The following KIFC3 variants were observed in gnomAD, a reference collection of about 807,000 sequenced individuals.
The protein encoded by KIFC3 is kinesin-like protein KIFC3.
In KIFC3, 60 loss-of-function variants were observed where a neutral mutation model predicts 101.8. That is an observed-to-expected ratio of 0.59 (90% CI 0.48 to 0.73). KIFC3 has a LOEUF of 0.73. Among genes scored for constraint, KIFC3 ranks in the 30% least tolerant of loss-of-function variants. KIFC3 has a pLI of 0.00. For synonymous variants in KIFC3, 476 were observed against 482.7 expected (o/e 0.99, Z 0.18); for missense variants, 966 against 1,137.1 (o/e 0.85, Z 2.16).
At chr16:57,831,269 G>T (rs2055575355) in intron 1 of KIFC3, among the ~76,000 whole-genome samples, 1 of 152,168 alleles carries the variant, frequency 6.6e-6, no homozygotes, top group South Asian at 2.1e-4. Context: ...CCCCACGGGG[G>T]GTTCTCACAG....
At chr16:57,840,113 G>T (rs60238598) in intron 1 of KIFC3, among the ~76,000 whole-genome samples, 1 of 151,456 alleles carries the variant, frequency 6.6e-6, no homozygotes, top group African/African-American at 2.4e-5. Flanking sequence ...CAAGGTAGGC[G>T]GATCACCTGA....
At chr16:57,818,003 T>A (rs2055267771) in intron 1 of KIFC3, among the ~76,000 whole-genome samples, 1 of 151,218 alleles carries the variant, frequency 6.6e-6, no homozygotes, top group African/African-American at 2.5e-5. Context: ...ATTGTCACAT[T>A]TTCTTTCTTT....
chr16:57,808,758 C>A (rs183110586), intron 1 of KIFC3, among the ~76,000 whole-genome samples: 15 of 152,286 alleles, frequency 9.8e-5, no homozygotes, highest in Admixed American at 3.3e-4. Flanking sequence ...CCAGGCAGAC[C>A]TGGGTTTGAG....
In KIFC3 at chr16:57,855,998, CA is replaced by C. The variant is rs544814207; in HGVS notation, c.108+6730del. Among the ~76,000 whole-genome samples, 330 of 146,302 alleles carry C rather than the reference CA, an allele frequency of 2.3e-3. 1 individual carries two copies. Among genetic ancestry groups the C allele is most frequent in the Non-Finnish European group, 3.6e-3 (242 of 66,348 alleles). ...ACAAACTAACAATAACAACAAAAAA[CA>C]AAACATTAAGAGCAGAAATTAATAA... is the stretch of plus-strand genomic sequence containing the variant. On this transcript the variant is annotated intron_variant, in intron 1 of 2. Coordinates refer to the KIFC3 transcript ENST00000563028.
At chr16:57,786,606 A>G (rs2053351918) in intron 3 of KIFC3, among the ~76,000 whole-genome samples, 1 of 152,104 alleles carries the variant, frequency 6.6e-6, no homozygotes, top group Non-Finnish European at 1.5e-5. Context: ...GGCAGAGTGA[A>G]GGGTGAAGAG....
At chr16:57,819,951 C>T (rs1030500754) in intron 1 of KIFC3, among the ~76,000 whole-genome samples, 7 of 152,196 alleles carry the variant, frequency 4.6e-5, no homozygotes, top group Non-Finnish European at 7.3e-5. Context: ...TCACTCCAAC[C>T]TCCGCCTCCT....
At chr16:57,780,613 A>G (rs1269630454) in intron 3 of KIFC3, among the ~76,000 whole-genome samples, 1 of 149,856 alleles carries the variant, frequency 6.7e-6, no homozygotes, top group Non-Finnish European at 1.5e-5. Flanking sequence ...GCAGCCAAAC[A>G]AGACACATTT....
At chr16:57,775,211 G>A in intron 3 of KIFC3, 3 of 1,333,204 alleles carry the variant, frequency 2.3e-6, no homozygotes, top group Non-Finnish European at 1.9e-6. Flanking sequence ...AACCAGGGCA[G>A]GCTGGGGAGC....
In KIFC3 at chr16:57,770,732, C is replaced by G. The variant is rs781871274; in HGVS notation, c.766-32G>C. 13 of 1,400,770 alleles carry G rather than the reference C, an allele frequency of 9.3e-6. No individual in the cohort carries two copies. The Admixed American group carries it at 3.5e-4, about 37-fold the overall frequency. The allele number at this position is 1,400,770 out of a possible 1,614,324, so 86.8% of individuals were successfully genotyped here. On this transcript the variant is annotated intron_variant, in intron 6 of 19. Transcript: ENST00000445690. The stretch of plus-strand genomic sequence containing the variant: ...GGTGAGGGAGGAATGGCACGTGGAG[C>G]CAGCGGGCACCGTACCTCACCCAAG...
intron 1 of KIFC3, among the ~76,000 whole-genome samples, chr16:57,837,935 G>C (rs537249785): frequency 7.9e-4 from 121 of 152,298 alleles, no homozygotes; most frequent in African/African-American, 2.8e-3. Flanking sequence ...GGCCTTGGCA[G>C]AGCGCAGCCC....
intron 1 of KIFC3, among the ~76,000 whole-genome samples, chr16:57,824,941 G>A (rs1436258918): frequency 6.6e-6 from 1 of 152,118 alleles, no homozygotes; most frequent in Non-Finnish European, 1.5e-5. Context: ...AGCACCATTG[G>A]CACCTCTCAA....
At chr16:57,790,029 G>A (rs1388726425) in intron 3 of KIFC3, among the ~76,000 whole-genome samples, 3 of 148,088 alleles carry the variant, frequency 2.0e-5, no homozygotes, top group Admixed American at 6.7e-5. Flanking sequence ...GAGCCACTGC[G>A]CCTGGCCATT....
intron 1 of KIFC3, among the ~76,000 whole-genome samples, chr16:57,856,623 GA>G (rs1331308108): frequency 2.0e-5 from 3 of 152,050 alleles, no homozygotes; most frequent in African/African-American, 2.4e-5. Context: ...CTGGTTCTTT[GA>G]AACAATCAAT....
chr16:57,814,990 A>G (rs2055187713), intron 1 of KIFC3, among the ~76,000 whole-genome samples: 1 of 152,174 alleles, frequency 6.6e-6, no homozygotes, highest in Non-Finnish European at 1.5e-5. Flanking sequence ...AGCAAAATTC[A>G]AATATGGCTG....
chr16:57,802,484 G>T lies in KIFC3; in HGVS notation c.-154C>A. On this transcript the variant is annotated 5_prime_UTR_variant, in exon 1 of 20. Coordinates refer to ENST00000445690, the MANE Select transcript of KIFC3 (RefSeq NM_001130100.2). This position sits in a 1 kb window ranked among gnomAD's most constrained non-coding sequence, Gnocchi z 5.0. ...CGCCTCCTCCTCGGCCAGCCCGCTCGCGCCCCTCCCGCACACTTTCCACAG... is the reference window on the plus strand; with the variant it reads ...CGCCTCCTCCTCGGCCAGCCCGCTCTCGCCCCTCCCGCACACTTTCCACAG... The T allele has an allele frequency of 1.4e-5, 14 of 983,300 alleles. No homozygotes were observed. Among genetic ancestry groups the T allele is most frequent in the Non-Finnish European group, 1.7e-5 (14 of 829,140 alleles). The allele number at this position is 983,300 out of a possible 1,614,324, so 60.9% of individuals were successfully genotyped here. A position where few individuals can be genotyped will look rare whatever the true frequency, so the allele number is the denominator to read the frequency against.
intron 1 of KIFC3, among the ~76,000 whole-genome samples, chr16:57,855,014 GT>G (rs1434717304): frequency 6.6e-6 from 1 of 151,652 alleles, no homozygotes; most frequent in Non-Finnish European, 1.5e-5. Context: ...GAGGCTTGGA[GT>G]TTGAGATGAG....
chr16:57,794,636 CCAAGGAAATA>C (rs1216664248), intron 3 of KIFC3, among the ~76,000 whole-genome samples: 11 of 152,084 alleles, frequency 7.2e-5, no homozygotes, highest in Admixed American at 2.6e-4. Context: ...GGAAATATTC[CCAAGGAAATA>C]CAAGGAAATA....
chr16:57,793,776 G>C (rs538073034), intron 3 of KIFC3, among the ~76,000 whole-genome samples: 2 of 151,728 alleles, frequency 1.3e-5, no homozygotes, highest in South Asian at 4.2e-4. Context: ...TTACAGCCAA[G>C]ATCACGCCAC....
intron 14 of KIFC3, 31 bp from the exon 15 acceptor site, chr16:57,761,202 G>A: frequency 1.2e-6 from 2 of 1,611,314 alleles, no homozygotes; most frequent in African/African-American, 1.3e-5. Flanking sequence ...CAGAGGCACA[G>A]CGTTGAGAAT....
Sources: allele counts gnomAD v4.1 joint callset (sites outside exome capture counted in the v4.1 genomes callset), GRCh38; gene constraint gnomAD v4.1.1; non-coding constraint Gnocchi (gnomAD v3.1); transcripts MANE v1.5; gene names NCBI Gene and HGNC (gene_info 2026-07-23, HGNC 2026-07-21).